ITPR1: variants seen among roughly 807,000 people sequenced by gnomAD.
The protein encoded by ITPR1 is inositol 1,4,5-trisphosphate-gated calcium channel ITPR1.
A neutral mutation model predicts 318.4 loss-of-function variants in ITPR1; 96 were observed. The ratio of observed to expected loss-of-function variants is 0.30; its 90% CI spans 0.26 to 0.36. The LOEUF is 0.36. ITPR1 is among the 10% of genes least tolerant of loss of function. The pLI is 1.00. For missense variants in ITPR1, 2,440 were observed against 3,460.2 expected (o/e 0.71, Z 7.40); for synonymous variants, 1,312 against 1,289.9 (o/e 1.02, Z -0.37).
chr3:4,503,959 G>T (rs897359516), intron 2 of ITPR1, among the ~76,000 whole-genome samples: 3 of 151,970 alleles, frequency 2.0e-5, no homozygotes, highest in Non-Finnish European at 4.4e-5. Flanking sequence ...ACTGGCCTTG[G>T]TATCTGGAGC....
intron 57 of ITPR1, among the ~76,000 whole-genome samples, chr3:4,814,042 C>T (rs1379800868): frequency 6.6e-6 from 1 of 152,202 alleles, no homozygotes; most frequent in Non-Finnish European, 1.5e-5. Flanking sequence ...CAGTGAGGAA[C>T]CTGTGTCCTG....
At position 4,766,709 on chromosome 3, in the gene ITPR1, A is replaced by G; in HGVS notation, c.5724A>G (p.Lys1908=). ...EVDRDAPSRK[K]AKEPTTQITE... ...ACAGGGATGCCCCATCACGGAAAAA[A>G]GGTAAATGTTCCTCAGTCTTCAGTC... Residue 1908 remains lysine, a splice_region_variant and synonymous_variant, in exon 45 of 62, where the codon AAA becomes AAG. Transcript: ENST00000649015. 6.3e-7 allele frequency: 1 copy of G among 1,594,482 alleles called. No individual in the cohort carries two copies. The highest frequency in any genetic ancestry group is 8.5e-7 in the Non-Finnish European group (1 of 1,170,090).
chr3:4,763,795 G>C (rs201977471), intron 44 of ITPR1, among the ~76,000 whole-genome samples: 2 of 152,246 alleles, frequency 1.3e-5, no homozygotes, highest in African/African-American at 4.8e-5. Context: ...GACCCTAGCG[G>C]TTGACAGCCA....
intron 4 of ITPR1, among the ~76,000 whole-genome samples, chr3:4,569,664 T>C (rs571483361): frequency 1.3e-5 from 2 of 152,224 alleles, no homozygotes; most frequent in Admixed American, 6.5e-5. Context: ...GCCATGTGTC[T>C]GCAAGCATAG....
chr3:4,675,796 G>C (rs1395696505), intron 23 of ITPR1, among the ~76,000 whole-genome samples: 6 of 152,130 alleles, frequency 3.9e-5, no homozygotes, highest in African/African-American at 1.4e-4. Context: ...ATCAATTATT[G>C]TTAACTGGTC....
At chr3:4,562,035 A>ATTCTTACCT (rs2086725057) in intron 4 of ITPR1, among the ~76,000 whole-genome samples, 1 of 152,124 alleles carries the variant, frequency 6.6e-6, no homozygotes, top group East Asian at 1.9e-4. Context: ...AAGAATTAGA[A>ATTCTTACCT]GAAGAATTGT....
At chr3:4,561,510 A>C (rs953780933) in intron 4 of ITPR1, among the ~76,000 whole-genome samples, 2 of 152,144 alleles carry the variant, frequency 1.3e-5, no homozygotes, top group Non-Finnish European at 2.9e-5. Context: ...TGTCCTAAGA[A>C]CGAAACTCAC....
intron 61 of ITPR1, among the ~76,000 whole-genome samples, chr3:4,844,123 A>AATT (rs2051576076): frequency 7.1e-6 from 1 of 140,502 alleles, no homozygotes; most frequent in Non-Finnish European, 1.5e-5. Context: ...GCAGACCAAG[A>AATT]TTTTTTTTTT....
At chr3:4,807,533 C>G (rs1400402214) in intron 55 of ITPR1, among the ~76,000 whole-genome samples, 1 of 152,178 alleles carries the variant, frequency 6.6e-6, no homozygotes, top group African/African-American at 2.4e-5. Flanking sequence ...TAGAATAGCA[C>G]TGCCGAATGA....
chr3:4,733,294 C>T (rs746343600), intron 43 of ITPR1, 74 bp downstream of exon 43: 2 of 1,541,196 alleles, frequency 1.3e-6, no homozygotes, highest in East Asian at 2.3e-5. Flanking sequence ...TTCCTCCTAA[C>T]AGGTTGAAAT....
At chr3:4,731,094 C>G (rs575877759) in intron 42 of ITPR1, among the ~76,000 whole-genome samples, 2 of 152,338 alleles carry the variant, frequency 1.3e-5, no homozygotes, top group South Asian at 2.1e-4. Context: ...CATATTTAAT[C>G]TATCATATTC....
At chr3:4,823,604 A>G (rs1217759888) in intron 60 of ITPR1, among the ~76,000 whole-genome samples, 1 of 152,170 alleles carries the variant, frequency 6.6e-6, no homozygotes, top group African/African-American at 2.4e-5. Flanking sequence ...GGCTAAAAAA[A>G]ACAAAAAACA....
chr3:4,594,841 G>A (rs1305446577), intron 4 of ITPR1, among the ~76,000 whole-genome samples: 1 of 152,154 alleles, frequency 6.6e-6, no homozygotes, highest in African/African-American at 2.4e-5. Context: ...AAGAAAGGTG[G>A]AATGAGTACT....
intron 4 of ITPR1, 66 bp downstream of exon 4, chr3:4,521,160 G>GGT (rs138707791): frequency 2.1e-4 from 227 of 1,067,652 alleles, no homozygotes; most frequent in African/African-American, 1.9e-3. Flanking sequence ...GTGTGTTGTT[G>GGT]GTGTGTGTGT....
At chr3:4,811,519 GAACT>G in intron 56 of ITPR1, 59 bp downstream of exon 56, 1 of 1,354,924 alleles carries the variant, frequency 7.4e-7, no homozygotes, top group Admixed American at 1.9e-5. Context: ...GATTATAACT[GAACT>G]AAAGAAAATA....
chr3:4,694,627 G>T (rs1351845777), intron 33 of ITPR1, among the ~76,000 whole-genome samples: 1 of 152,096 alleles, frequency 6.6e-6, no homozygotes, highest in African/African-American at 2.4e-5. Context: ...TTGCTTCCAG[G>T]CTACAAACAT....
At chr3:4,551,547 G>A (rs1445710720) in intron 4 of ITPR1, among the ~76,000 whole-genome samples, 5 of 152,216 alleles carry the variant, frequency 3.3e-5, no homozygotes, top group African/African-American at 1.2e-4. Flanking sequence ...TTGAGTAGCT[G>A]TTTCAGGGCT....
chr3:4,584,257 C>T (rs2089651949), intron 4 of ITPR1, among the ~76,000 whole-genome samples: 1 of 151,972 alleles, frequency 6.6e-6, no homozygotes, highest in Admixed American at 6.6e-5. Flanking sequence ...CCTTCTTGTC[C>T]CCCAAACCAA....
chr3:4,742,743 A>G (rs1358772445), intron 44 of ITPR1, among the ~76,000 whole-genome samples: 1 of 152,050 alleles, frequency 6.6e-6, no homozygotes, highest in Non-Finnish European at 1.5e-5. Context: ...ATAGGTGCGG[A>G]CCACCATGCT....
Sources: gnomAD v4.1 joint callset for allele counts (sites outside exome capture counted in the v4.1 genomes callset) on GRCh38, gnomAD v4.1.1 for gene constraint, MANE v1.5 for transcripts, NCBI Gene and HGNC (gene_info 2026-07-23, HGNC 2026-07-21) for gene names.